MLIP: variants seen among roughly 807,000 people sequenced by gnomAD.
The protein encoded by MLIP is muscular LMNA interacting protein, also known as muscular LMNA-interacting protein.
A neutral mutation model predicts 84.8 loss-of-function variants in MLIP; 79 were observed. The observed-to-expected ratio is 0.93, with a 90% CI of 0.78 to 1.12. The LOEUF is 1.12. Ranked by LOEUF, MLIP falls within the 50% of genes most tolerant of loss-of-function variation. The pLI is 0.00. For synonymous variants in MLIP, 504 were observed against 463.0 expected (o/e 1.09, Z -1.14); for missense variants, 1,257 against 1,160.6 (o/e 1.08, Z -1.21).
chr6:54,227,883 A>G (rs1201009962), intron 11 of MLIP, among the ~76,000 whole-genome samples: 1 of 152,132 alleles, frequency 6.6e-6, no homozygotes, highest in Non-Finnish European at 1.5e-5. Context: ...GACACAGGCT[A>G]TTAGAAATAG....
At chr6:54,213,707 CAA>C (rs1219772069) in intron 11 of MLIP, among the ~76,000 whole-genome samples, 2 of 8,474 alleles carry the variant, frequency 2.4e-4, no homozygotes, top group Admixed American at 1.6e-3. Flanking sequence ...GACTTTGTCT[CAA>C]AAAAAAAAAA....
chr6:54,124,673 G>A lies in MLIP; in HGVS notation c.453G>A (p.Glu151=). Residue 151 remains glutamate, a synonymous_variant, in exon 3 of 14, where the codon GAG becomes GAA. Coordinates refer to ENST00000502396, the MANE Select transcript of MLIP (RefSeq NM_001281747.2). ...VLIVDSEGED[E]AASRKVEQGP... ...TTGTGGACTCCGAAGGGGAAGATGA[G>A]GCTGCAAGCAGAAAAGTTGAACAAG... The A allele has an allele frequency of 6.2e-7, 1 of 1,614,190 alleles. No individual in the cohort carries two copies. The highest frequency in any genetic ancestry group is 8.5e-7 in the Non-Finnish European group (1 of 1,180,026).
intron 11 of MLIP, among the ~76,000 whole-genome samples, chr6:54,202,515 G>A (rs1280203358): frequency 7.1e-6 from 1 of 141,708 alleles, no homozygotes; most frequent in African/African-American, 2.6e-5. Context: ...GTATTGTTTT[G>A]GAGACCAAGA....
chr6:54,253,306 G>A (rs1370661691), intron 12 of MLIP, among the ~76,000 whole-genome samples: 2 of 152,114 alleles, frequency 1.3e-5, no homozygotes, highest in East Asian at 3.9e-4. Context: ...GAAGCAGAAG[G>A]TACAGATGAC....
intron 12 of MLIP, among the ~76,000 whole-genome samples, chr6:54,244,007 C>T (rs2150844977): frequency 6.6e-6 from 1 of 152,254 alleles, no homozygotes; most frequent in East Asian, 1.9e-4. Context: ...TTCCACTTTG[C>T]AAAGGTTAGT....
chr6:54,136,575 A>T (rs1771813737), intron 3 of MLIP, 140 bp from the exon 4 acceptor site: 1 of 774,182 alleles, frequency 1.3e-6, no homozygotes, highest in Non-Finnish European at 1.9e-6. Context: ...TTAGCAAAAT[A>T]GAATTTCCTT....
intron 3 of MLIP, among the ~76,000 whole-genome samples, chr6:54,134,883 A>G (rs1056717891): frequency 6.6e-5 from 10 of 152,098 alleles, no homozygotes; most frequent in Non-Finnish European, 1.0e-4. Context: ...GGCATAGTAC[A>G]ACATGCAAAG....
intron 1 of MLIP, among the ~76,000 whole-genome samples, chr6:54,057,024 CT>C (rs1765701228): frequency 6.6e-6 from 1 of 152,096 alleles, no homozygotes. Flanking sequence ...GAATGCTTAC[CT>C]TTGTCAGACA....
intron 1 of MLIP, among the ~76,000 whole-genome samples, chr6:54,093,827 G>C (rs1181559047): frequency 6.6e-6 from 1 of 152,142 alleles, no homozygotes; most frequent in South Asian, 2.1e-4. Flanking sequence ...GACTGCTTTT[G>C]TCATCCAGTG....
chr6:54,117,781 C>T (rs1325563841), intron 1 of MLIP, among the ~76,000 whole-genome samples: 1 of 151,576 alleles, frequency 6.6e-6, no homozygotes, highest in African/African-American at 2.4e-5. Flanking sequence ...CCCGTCTCTA[C>T]TAAAAATACA....
At chr6:54,205,316 G>C (rs1263753015) in intron 11 of MLIP, among the ~76,000 whole-genome samples, 1 of 152,158 alleles carries the variant, frequency 6.6e-6, no homozygotes, top group Non-Finnish European at 1.5e-5. Flanking sequence ...AGAATAAATT[G>C]AATGGTTCCA....
chr6:54,121,425 T>G, intron 1 of MLIP, 22 bp from the exon 2 acceptor site: 3 of 1,611,166 alleles, frequency 1.9e-6, no homozygotes, highest in Admixed American at 1.7e-5. Context: ...GCTGAAAGTC[T>G]AATTAACTAC....
rs1783663966 is a variant in MLIP, at chr6:54,266,010, C to G, written c.*55C>G. ...GCTGAAGTTTTTTGGAATGCTGGTG[C>G]TAACCACTTGCTAGATTTAACTTTT... On this transcript the variant is annotated 3_prime_UTR_variant, in exon 14 of 14. Transcript: ENST00000502396. 12 of 1,583,478 alleles carry G rather than the reference C, an allele frequency of 7.6e-6. No individual in the cohort carries two copies. In the South Asian group the frequency reaches 1.4e-4, roughly 18 times the overall value.
At chr6:54,155,392 A>G (rs1199752889) in intron 5 of MLIP, among the ~76,000 whole-genome samples, 3 of 152,176 alleles carry the variant, frequency 2.0e-5, no homozygotes, top group Admixed American at 2.0e-4. Context: ...AAAGTATAGG[A>G]GAATTTAGGC....
chr6:54,215,365 A>G, intron 11 of MLIP: 1 of 1,308,360 alleles, frequency 7.6e-7, no homozygotes, highest in South Asian at 2.4e-5. Flanking sequence ...ATCCTACAAA[A>G]ATGGGGCTAC....
At chr6:54,054,452 CG>C (rs1765538211) in intron 1 of MLIP, among the ~76,000 whole-genome samples, 1 of 145,404 alleles carries the variant, frequency 6.9e-6, no homozygotes, top group Admixed American at 6.9e-5. Context: ...AAAAAAATGA[CG>C]GGTCTCCTTG....
chr6:54,230,000 G>A (rs1374548783), intron 11 of MLIP, among the ~76,000 whole-genome samples: 1 of 152,064 alleles, frequency 6.6e-6, no homozygotes, highest in Non-Finnish European at 1.5e-5. Flanking sequence ...TCATGTAGTA[G>A]TTCCTACTTC....
At chr6:54,139,586 G>C (rs985813718) in intron 4 of MLIP, among the ~76,000 whole-genome samples, 2 of 152,136 alleles carry the variant, frequency 1.3e-5, no homozygotes, top group Non-Finnish European at 2.9e-5. Flanking sequence ...AACTATGCTA[G>C]TATACAAAAT....
chr6:54,218,018 A>G (rs1582534410), intron 11 of MLIP: 2 of 985,278 alleles, frequency 2.0e-6, no homozygotes, highest in Non-Finnish European at 2.4e-6. Flanking sequence ...AACAGGGGTC[A>G]CAAACTATGG....
Sources: gnomAD v4.1 joint callset for allele counts (sites outside exome capture counted in the v4.1 genomes callset) on GRCh38, gnomAD v4.1.1 for gene constraint, MANE v1.5 for transcripts, NCBI Gene and HGNC (gene_info 2026-07-23, HGNC 2026-07-21) for gene names.